SMARCA4: variants seen among roughly 807,000 people sequenced by gnomAD.
SMARCA4 encodes SWI/SNF related BAF chromatin remodeling complex subunit ATPase 4, also known as SWI/SNF-related matrix-associated actin-dependent regulator of chromatin subfamily A member 4.
Under a neutral mutation model 193.9 loss-of-function variants are expected in SMARCA4, and 31 were observed. The observed-to-expected ratio is 0.16, with a 90% CI of 0.12 to 0.22. The LOEUF (loss-of-function observed/expected upper bound fraction) is 0.22, where lower values mean the gene tolerates loss of function less well. Among genes scored for constraint, SMARCA4 ranks in the 10% least tolerant of loss-of-function variants. SMARCA4 has a pLI of 1.00. For missense variants in SMARCA4, 1,148 were observed against 2,296.0 expected, an observed-to-expected ratio of 0.50 and a Z score of 10.22; for synonymous variants, 942 against 933.1, an observed-to-expected ratio of 1.01 and a Z score of -0.17.
In SMARCA4 at chr19:11,021,717, G is replaced by T. The variant is rs369658986; in HGVS notation, c.2617-8G>T. 1.9e-6 allele frequency: 3 copies of T among 1,604,920 alleles called. No homozygotes were observed. Among genetic ancestry groups the T allele is most frequent in the African/African-American group, 2.7e-5 (2 of 74,722 alleles). Reference sequence around the variant, plus strand: ...CCCTGCCCTGATTGCCCACTCTGGGGCCCGCAGATCCGTTGGAAGTACATG... The same window carrying T: ...CCCTGCCCTGATTGCCCACTCTGGGTCCCGCAGATCCGTTGGAAGTACATG... On this transcript the variant is annotated splice_region_variant and splice_polypyrimidine_tract_variant and intron_variant, in intron 18 of 34. Coordinates refer to ENST00000344626, the MANE Select transcript of SMARCA4 (RefSeq NM_003072.5).
At chr19:10,995,773 C>T (rs1188745573) in intron 9 of SMARCA4, 1 of 360,352 alleles carries the variant, frequency 2.8e-6, no homozygotes, top group African/African-American at 2.1e-5. Context: ...ATTGGGAGGA[C>T]TCTGGGTTGA....
In SMARCA4 at chr19:11,014,774, A is replaced by T. The variant is rs548985318; in HGVS notation, c.2438+1662A>T. On this transcript the variant is annotated intron_variant, in intron 16 of 34. Coordinates refer to ENST00000344626, the MANE Select transcript of SMARCA4 (RefSeq NM_003072.5). ...AGTTGTTAATTTTTTGCTTTAAAAAATTTTTTTAAACTTTTCATTTTGAAA... is the reference window on the plus strand; with the variant it reads ...AGTTGTTAATTTTTTGCTTTAAAAATTTTTTTTAAACTTTTCATTTTGAAA... Among the ~76,000 whole-genome samples the T allele has an allele frequency of 2.6e-4, 39 of 152,042 alleles. No homozygotes were observed. In the East Asian group the frequency reaches 3.7e-3, roughly 14 times the overall value.
rs1343092600 is a variant in SMARCA4, at chr19:10,985,182, G to A, written c.223-91G>A. On this transcript the variant is annotated intron_variant, in intron 2 of 34. Transcript: ENST00000344626. This position sits in a 1 kb window ranked among gnomAD's most constrained non-coding sequence, Gnocchi z 4.5. ...CGTCATCTTCGGGTGGCTGTTCTCG[G>A]TGCCCTCGAGCTTCTCTCGGGCAGC... 1 of 1,397,806 alleles carries A rather than the reference G, an allele frequency of 7.2e-7. No homozygotes were observed. The allele number at this position is 1,397,806 out of a possible 1,614,324, so 86.6% of individuals were successfully genotyped here. A position where few individuals can be genotyped will look rare whatever the true frequency, so the allele number is the denominator to read the frequency against.
chr19:11,026,889 C>T (rs1268263141), intron 23 of SMARCA4, among the ~76,000 whole-genome samples: 1 of 152,222 alleles, frequency 6.6e-6, no homozygotes, highest in Non-Finnish European at 1.5e-5. Flanking sequence ...ACAGATCCCA[C>T]TCTGCCGCCT....
intron 1 of SMARCA4, among the ~76,000 whole-genome samples, chr19:10,971,822 G>C (rs1304573574): frequency 7.0e-6 from 1 of 142,514 alleles, no homozygotes; most frequent in Non-Finnish European, 1.5e-5. Flanking sequence ...TGTTCTTGTC[G>C]CCCAGGCTGG....
chr19:11,046,940 C>T (rs1214131728), intron 30 of SMARCA4, among the ~76,000 whole-genome samples: 3 of 135,970 alleles, frequency 2.2e-5, no homozygotes, highest in African/African-American at 8.4e-5. Flanking sequence ...AGAGGTGAGA[C>T]CCTGTTGCAA....
intron 1 of SMARCA4, among the ~76,000 whole-genome samples, chr19:10,962,674 C>A (rs936024407): frequency 1.3e-5 from 2 of 152,100 alleles, no homozygotes; most frequent in Admixed American, 1.3e-4. Flanking sequence ...TCCTGAGTAG[C>A]TGGGACTACA....
chr19:10,988,268 G>A (rs1211513711), intron 6 of SMARCA4, among the ~76,000 whole-genome samples: 2 of 152,072 alleles, frequency 1.3e-5, no homozygotes, highest in East Asian at 1.9e-4. Flanking sequence ...TTATAGGCAT[G>A]CGCCACCACA....
At chr19:11,045,275 G>A (rs1438551591) in intron 30 of SMARCA4, among the ~76,000 whole-genome samples, 1 of 152,024 alleles carries the variant, frequency 6.6e-6, no homozygotes, top group Non-Finnish European at 1.5e-5. Context: ...AGCCGAGACC[G>A]CGCCACGGCA....
intron 1 of SMARCA4, among the ~76,000 whole-genome samples, chr19:10,969,242 G>C (rs929672301): frequency 2.0e-5 from 3 of 152,108 alleles, no homozygotes; most frequent in Admixed American, 6.6e-5. Flanking sequence ...TCGAGGAAGG[G>C]GGGCCTTGTT....
chr19:10,966,952 G>A (rs1023672228), intron 1 of SMARCA4, among the ~76,000 whole-genome samples: 1 of 152,118 alleles, frequency 6.6e-6, no homozygotes, highest in African/African-American at 2.4e-5. Flanking sequence ...CTGGGGGAAG[G>A]TATGAGAGGG....
intron 1 of SMARCA4, among the ~76,000 whole-genome samples, chr19:10,963,521 T>G (rs917596644): frequency 3.3e-5 from 5 of 151,996 alleles, no homozygotes; most frequent in African/African-American, 1.2e-4. Flanking sequence ...CTACAAAGTG[T>G]GGGGTGGTGG....
At chr19:11,037,927 T>A (rs2146750528) in intron 29 of SMARCA4, among the ~76,000 whole-genome samples, 1 of 152,356 alleles carries the variant, frequency 6.6e-6, no homozygotes, top group Middle Eastern at 3.4e-3. Context: ...TATATTCAAA[T>A]TCACAGTTGT....
intron 15 of SMARCA4, 121 bp from the exon 16 acceptor site, chr19:11,012,828 A>G (rs2088980193): frequency 1.2e-6 from 1 of 839,940 alleles, no homozygotes; most frequent in Non-Finnish European, 2.0e-6. Context: ...AAGGCAGTAG[A>G]GGGTGGGATG....
intron 13 of SMARCA4, among the ~76,000 whole-genome samples, chr19:11,007,379 G>A (rs897773670): frequency 6.8e-6 from 1 of 147,926 alleles, no homozygotes; most frequent in Non-Finnish European, 1.5e-5. Context: ...GCACTGCGCC[G>A]AGATCACGCC....
At position 10,970,338 on chromosome 19, in the gene SMARCA4, A is replaced by G. The variant is rs76605274; in HGVS notation, c.-32+9164A>G. Among the ~76,000 whole-genome samples the G allele has an allele frequency of 3.8e-3, 585 of 152,276 alleles. 4 individuals carry two copies. The highest frequency in any genetic ancestry group is 0.013 in the African/African-American group (535 of 41,568). ...ATCAAATCGAGGAGGGGGTTGTGGG[A>G]ATTCCCAATTTATAGGTGGCTGGGC... On this transcript the variant is annotated intron_variant, in intron 1 of 34. Coordinates refer to ENST00000344626, the MANE Select transcript of SMARCA4 (RefSeq NM_003072.5).
chr19:11,019,509 G>A lies in SMARCA4; in HGVS notation c.2506-82G>A. On this transcript the variant is annotated intron_variant, in intron 17 of 34. Transcript: ENST00000344626. The surrounding 1 kb of genome is among the most constrained non-coding windows in gnomAD (Gnocchi z 6.1). ...AGCCCTCCCGCCGTGTCACTGGGCA[G>A]TTGCAGGGGGTGCCTGTGCCCCTCT... 1.2e-6 allele frequency: 1 copy of A among 836,512 alleles called. No homozygotes were observed. The highest frequency in any genetic ancestry group is 2.0e-6 in the Non-Finnish European group (1 of 498,502). The allele number at this position is 836,512 out of a possible 1,614,324, so 51.8% of individuals were successfully genotyped here. A position where few individuals can be genotyped will look rare whatever the true frequency, so the allele number is the denominator to read the frequency against.
chr19:11,025,896 A>G (rs1442524890), intron 22 of SMARCA4, among the ~76,000 whole-genome samples: 4 of 152,094 alleles, frequency 2.6e-5, no homozygotes, highest in African/African-American at 4.8e-5. Context: ...CTTTTTGGTC[A>G]TGGTGGCTTT....
intron 30 of SMARCA4, among the ~76,000 whole-genome samples, chr19:11,053,148 T>C (rs10417578): frequency 0.28 from 42,141 of 151,904 alleles, 5,998 homozygotes; most frequent in South Asian, 0.31. Context: ...CGCCTGTAAT[T>C]CCAGCACTTT....
Sources: allele counts gnomAD v4.1 joint callset (sites outside exome capture counted in the v4.1 genomes callset), GRCh38; gene constraint gnomAD v4.1.1; non-coding constraint Gnocchi (gnomAD v3.1); transcripts MANE v1.5; gene names NCBI Gene and HGNC (gene_info 2026-07-23, HGNC 2026-07-21).